Variants in PCDH15 observed in about 807,000 individuals in gnomAD.
PCDH15 encodes the protein protocadherin-15.
PCDH15 carries 129 observed loss-of-function variants against 178.5 expected under a neutral mutation model. The observed-to-expected ratio is 0.72, with a 90% CI of 0.63 to 0.84. The LOEUF is 0.84. Among genes scored for constraint, PCDH15 ranks in the 40% least tolerant of loss-of-function variants. The probability of loss-of-function intolerance (pLI) is 0.00; values close to 1 mark genes in which losing one functional copy is unlikely to be tolerated. For synonymous variants in PCDH15, 800 were observed against 732.0 expected (o/e 1.09, Z -1.50); for missense variants, 2,230 against 2,099.9 (o/e 1.06, Z -1.21).
At chr10:55,364,469 A>C (rs994253341) in intron 2 of PCDH15, among the ~76,000 whole-genome samples, 3 of 151,888 alleles carry the variant, frequency 2.0e-5, no homozygotes, top group African/African-American at 7.3e-5. Context: ...TTCGTATATA[A>C]TGTATTTTTT....
At chr10:55,465,520 A>G (rs1839813707) in intron 2 of PCDH15, among the ~76,000 whole-genome samples, 1 of 152,078 alleles carries the variant, frequency 6.6e-6, no homozygotes, top group Non-Finnish European at 1.5e-5. Context: ...AGTCTTATTT[A>G]ATTTGAAAGC....
intron 20 of PCDH15, among the ~76,000 whole-genome samples, chr10:54,013,503 T>C (rs1050919327): frequency 2.0e-5 from 3 of 152,132 alleles, no homozygotes; most frequent in Admixed American, 1.3e-4. Context: ...ACCACACAAT[T>C]GGACATCAAA....
intron 2 of PCDH15, among the ~76,000 whole-genome samples, chr10:55,125,163 T>TTGTGTGTG (rs34423359): frequency 0.041 from 5,798 of 143,028 alleles, 141 homozygotes; most frequent in African/African-American, 0.069. Flanking sequence ...TTTTTTTTAA[T>TTGTGTGTG]TGTGTGTGTG....
intron 3 of PCDH15, among the ~76,000 whole-genome samples, chr10:54,406,793 A>G (rs1235157738): frequency 6.6e-6 from 1 of 152,176 alleles, no homozygotes; most frequent in Non-Finnish European, 1.5e-5. Context: ...GTAAAAGGCC[A>G]AACTACAAAG....
At chr10:54,589,241 G>A (rs1367778725) in intron 2 of PCDH15, among the ~76,000 whole-genome samples, 2 of 152,080 alleles carry the variant, frequency 1.3e-5, no homozygotes, top group East Asian at 3.9e-4. Flanking sequence ...CTCTAGTTGT[G>A]CTTATCTTTT....
chr10:54,536,184 C>G (rs1022880150), intron 2 of PCDH15, among the ~76,000 whole-genome samples: 2 of 152,132 alleles, frequency 1.3e-5, no homozygotes, highest in Non-Finnish European at 2.9e-5. Context: ...ACATTTAACA[C>G]CTTGCTCACT....
chr10:54,703,663 G>A (rs961258881), intron 1 of PCDH15, among the ~76,000 whole-genome samples: 8 of 151,878 alleles, frequency 5.3e-5, no homozygotes, highest in African/African-American at 1.9e-4. Context: ...TAAAAATATA[G>A]TTAACCAGGG....
chr10:54,219,525 G>A (rs2052536124), intron 9 of PCDH15, among the ~76,000 whole-genome samples: 1 of 145,932 alleles, frequency 6.9e-6, no homozygotes, highest in Non-Finnish European at 1.5e-5. Context: ...CCTGGGAGGT[G>A]GAGCTTGCAG....
chr10:55,342,607 T>C (rs917991223), intron 2 of PCDH15, among the ~76,000 whole-genome samples: 4 of 152,062 alleles, frequency 2.6e-5, no homozygotes, highest in African/African-American at 9.7e-5. Context: ...ATTGTGCCTG[T>C]GGTTGTTTTA....
intron 1 of PCDH15, among the ~76,000 whole-genome samples, chr10:55,222,728 C>CATATATATATAT (rs1309226129): frequency 6.0e-5 from 3 of 49,734 alleles, no homozygotes; most frequent in Admixed American, 2.6e-4. Flanking sequence ...CACACACACA[C>CATATATATATAT]ACATATATAT....
chr10:54,686,557 C>T (rs977448876), intron 1 of PCDH15, among the ~76,000 whole-genome samples: 3 of 151,970 alleles, frequency 2.0e-5, no homozygotes, highest in Admixed American at 6.6e-5. Context: ...CTTACATTTA[C>T]GTCAATAACC....
intron 32 of PCDH15, chr10:53,822,778 T>C (rs755982523): frequency 6.2e-7 from 1 of 1,614,122 alleles, no homozygotes; most frequent in Non-Finnish European, 8.5e-7. Flanking sequence ...AACTGTTCTG[T>C]TCCTTCTATC....
intron 21 of PCDH15, among the ~76,000 whole-genome samples, chr10:53,986,174 AC>A (rs1407790968): frequency 3.3e-5 from 5 of 150,928 alleles, no homozygotes; most frequent in Admixed American, 3.3e-4. Context: ...TCAAAAAAAA[AC>A]AACAACATAC....
At chr10:55,034,421 C>T (rs999507316) in intron 2 of PCDH15, among the ~76,000 whole-genome samples, 1 of 152,156 alleles carries the variant, frequency 6.6e-6, no homozygotes, top group Non-Finnish European at 1.5e-5. Context: ...AGAGCAGACT[C>T]AAGAACTTGA....
chr10:54,304,105 T>C (rs2060316644), intron 8 of PCDH15, among the ~76,000 whole-genome samples: 1 of 152,082 alleles, frequency 6.6e-6, no homozygotes. Flanking sequence ...CCAATCATAT[T>C]TATTCTTTGA....
At chr10:54,185,631 G>T (rs930908092) in intron 11 of PCDH15, among the ~76,000 whole-genome samples, 3 of 151,812 alleles carry the variant, frequency 2.0e-5, no homozygotes, top group Admixed American at 2.0e-4. Context: ...AGAAATAAAA[G>T]CAAGAAAAGA....
At chr10:53,945,377 A>G (rs1222476985) in intron 23 of PCDH15, among the ~76,000 whole-genome samples, 1 of 152,160 alleles carries the variant, frequency 6.6e-6, no homozygotes, top group African/African-American at 2.4e-5. Context: ...AGAATGGCTA[A>G]ATTAAACTAC....
chr10:53,957,691 A>T (rs1457160350), intron 23 of PCDH15, among the ~76,000 whole-genome samples: 1 of 152,064 alleles, frequency 6.6e-6, no homozygotes, highest in Non-Finnish European at 1.5e-5. Context: ...TTTTCCACTT[A>T]ATATTTTCTG....
intron 2 of PCDH15, among the ~76,000 whole-genome samples, chr10:54,998,187 A>G (rs1417087028): frequency 6.6e-6 from 1 of 152,164 alleles, no homozygotes; most frequent in East Asian, 1.9e-4. Flanking sequence ...AAGTTTTGCC[A>G]TAAAATAAAA....
Sources: gnomAD v4.1 joint callset for allele counts (sites outside exome capture counted in the v4.1 genomes callset) on GRCh38, gnomAD v4.1.1 for gene constraint, MANE v1.5 for transcripts, NCBI Gene and HGNC (gene_info 2026-07-23, HGNC 2026-07-21) for gene names.